EPHA3: variants seen among roughly 807,000 people sequenced by gnomAD.
EPHA3 encodes the protein ephrin type-A receptor 3.
In EPHA3, 42 loss-of-function variants were observed where a neutral mutation model predicts 107.1. The observed-to-expected ratio is 0.39, with a 90% CI of 0.31 to 0.51. EPHA3 has a LOEUF of 0.51. Among genes scored for constraint, EPHA3 ranks in the 20% least tolerant of loss-of-function variants. The probability of loss-of-function intolerance (pLI) is 0.78; values close to 1 mark genes in which losing one functional copy is unlikely to be tolerated. For missense variants in EPHA3, 1,183 were observed against 1,211.2 expected (o/e 0.98, Z 0.35); for synonymous variants, 461 against 424.8 (o/e 1.09, Z -1.05).
chr3:89,143,886 T>G (rs569065192), intron 2 of EPHA3, among the ~76,000 whole-genome samples: 1 of 151,740 alleles, frequency 6.6e-6, no homozygotes, highest in African/African-American at 2.4e-5. Flanking sequence ...CACATATCAT[T>G]TTGTCATCAG....
At chr3:89,183,436 A>G (rs1348284914) in intron 2 of EPHA3, among the ~76,000 whole-genome samples, 1 of 151,816 alleles carries the variant, frequency 6.6e-6, no homozygotes, top group Non-Finnish European at 1.5e-5. Context: ...ACATCATCCT[A>G]CCAAATACCC....
intron 15 of EPHA3, among the ~76,000 whole-genome samples, chr3:89,470,054 TTAAA>T (rs149679521): frequency 1.4e-3 from 214 of 151,774 alleles, no homozygotes; most frequent in African/African-American, 4.5e-3. Flanking sequence ...CTCTTAATTA[TTAAA>T]TAAAGATTAA....
At chr3:89,259,849 C>G (rs925819132) in intron 3 of EPHA3, among the ~76,000 whole-genome samples, 1 of 152,166 alleles carries the variant, frequency 6.6e-6, no homozygotes, top group East Asian at 1.9e-4. Context: ...CCCCATTCCA[C>G]CCATGAAAAC....
At chr3:89,243,221 G>T (rs1339561930) in intron 3 of EPHA3, among the ~76,000 whole-genome samples, 3 of 152,108 alleles carry the variant, frequency 2.0e-5, no homozygotes, top group Non-Finnish European at 2.9e-5. Flanking sequence ...ACATATGTGT[G>T]CATGTTTCTT....
chr3:89,192,534 A>G (rs1333901771), intron 2 of EPHA3, among the ~76,000 whole-genome samples: 3 of 152,080 alleles, frequency 2.0e-5, no homozygotes, highest in African/African-American at 7.2e-5. Flanking sequence ...GTAGAAATAA[A>G]TAAAATGACT....
chr3:89,395,492 GT>G (rs1454574581), intron 5 of EPHA3, among the ~76,000 whole-genome samples: 1 of 152,136 alleles, frequency 6.6e-6, no homozygotes, highest in Non-Finnish European at 1.5e-5. Flanking sequence ...TAGTCCTGAT[GT>G]TTTGTTCTTT....
At chr3:89,383,010 T>C (rs765618646) in intron 5 of EPHA3, among the ~76,000 whole-genome samples, 1 of 152,240 alleles carries the variant, frequency 6.6e-6, no homozygotes, top group African/African-American at 2.4e-5. Flanking sequence ...TATCTACTAA[T>C]ATAAACCATA....
intron 2 of EPHA3, among the ~76,000 whole-genome samples, chr3:89,196,642 T>C (rs1160880331): frequency 4.7e-5 from 7 of 148,212 alleles, no homozygotes; most frequent in Admixed American, 1.3e-4. Context: ...AATGTGCTCA[T>C]CCTCCTTCTT....
chr3:89,369,305 T>C (rs1277337688), intron 5 of EPHA3, among the ~76,000 whole-genome samples: 1 of 150,606 alleles, frequency 6.6e-6, no homozygotes, highest in African/African-American at 2.4e-5. Context: ...AACAGAGATA[T>C]AGATCAATGG....
At chr3:89,378,374 G>C (rs565075930) in intron 5 of EPHA3, among the ~76,000 whole-genome samples, 2 of 152,156 alleles carry the variant, frequency 1.3e-5, no homozygotes, top group South Asian at 4.1e-4. Context: ...GGCATCCCCA[G>C]AAATCAGTTT....
intron 10 of EPHA3, among the ~76,000 whole-genome samples, chr3:89,415,491 T>TAA (rs1709229163): frequency 1.4e-5 from 2 of 146,574 alleles, no homozygotes; most frequent in South Asian, 4.2e-4. Flanking sequence ...TATATATATA[T>TAA]AAGCTAATTC....
chr3:89,191,330 G>A (rs1440406053), intron 2 of EPHA3, among the ~76,000 whole-genome samples: 3 of 149,246 alleles, frequency 2.0e-5, no homozygotes, highest in Admixed American at 2.0e-4. Flanking sequence ...TTTTTGAGAC[G>A]GAGTCTCTCT....
chr3:89,383,148 A>T (rs1325039331), intron 5 of EPHA3, among the ~76,000 whole-genome samples: 2 of 152,230 alleles, frequency 1.3e-5, no homozygotes, highest in Non-Finnish European at 2.9e-5. Context: ...ATTACTGTAG[A>T]GTGTTCTCTG....
intron 3 of EPHA3, among the ~76,000 whole-genome samples, chr3:89,248,823 T>G (rs1705097717): frequency 6.6e-6 from 1 of 152,196 alleles, no homozygotes; most frequent in African/African-American, 2.4e-5. Flanking sequence ...TGCTTCTACA[T>G]AAATTCATGT....
intron 5 of EPHA3, among the ~76,000 whole-genome samples, chr3:89,380,764 G>T (rs1020899092): frequency 6.7e-6 from 1 of 149,056 alleles, no homozygotes; most frequent in Non-Finnish European, 1.5e-5. Flanking sequence ...AGCATAATAG[G>T]TAGTAGCTTT....
chr3:89,341,037 G>A lies in EPHA3; in HGVS notation c.936G>A (p.Arg312=), dbSNP rs1213550588. The A allele has an allele frequency of 3.1e-6, 5 of 1,614,024 alleles. No individual in the cohort carries two copies. The highest frequency in any genetic ancestry group is 2.2e-5 in the East Asian group (1 of 44,872). The part of the protein sequence containing the change: ...MNCRCENNYF[R]ADKDPPSMAC... ...GCAGGTGTGAGAATAATTACTTCCG[G>A]GCAGACAAAGACCCTCCATCCATGG... The change falls in exon 4 of 17, where the codon CGG becomes CGA. Residue 312 remains arginine, a synonymous_variant. Transcript: ENST00000336596.
intron 12 of EPHA3, among the ~76,000 whole-genome samples, chr3:89,429,723 T>TATC (rs1181200877): frequency 6.6e-6 from 1 of 152,004 alleles, no homozygotes; most frequent in East Asian, 1.9e-4. Flanking sequence ...TCTATCTATC[T>TATC]ATCTATCTAT....
At chr3:89,166,501 T>C (rs1305631098) in intron 2 of EPHA3, among the ~76,000 whole-genome samples, 4 of 152,180 alleles carry the variant, frequency 2.6e-5, no homozygotes, top group African/African-American at 9.6e-5. Context: ...TTTACTCTGA[T>C]AACCATGTTA....
chr3:89,390,880 C>G (rs1323136634), intron 5 of EPHA3, among the ~76,000 whole-genome samples: 1 of 151,410 alleles, frequency 6.6e-6, no homozygotes, highest in Non-Finnish European at 1.5e-5. Context: ...CTCCGCCTCC[C>G]GGGTTCATCT....
Sources: allele counts gnomAD v4.1 joint callset (sites outside exome capture counted in the v4.1 genomes callset), GRCh38; gene constraint gnomAD v4.1.1; transcripts MANE v1.5; gene names NCBI Gene and HGNC (gene_info 2026-07-23, HGNC 2026-07-21).